ICA1: variants seen among roughly 807,000 people sequenced by gnomAD.
ICA1 encodes the protein islet cell autoantigen 1.
In ICA1, 40 loss-of-function variants were observed where a neutral mutation model predicts 71.0. The ratio of observed to expected loss-of-function variants is 0.56; its 90% CI spans 0.44 to 0.73. The LOEUF is 0.73. Among genes scored for constraint, ICA1 ranks in the 30% least tolerant of loss-of-function variants. ICA1 has a pLI of 0.00. For synonymous variants in ICA1, 207 were observed against 209.5 expected, an observed-to-expected ratio of 0.99 and a Z score of 0.10; for missense variants, 578 against 576.5, an observed-to-expected ratio of 1.00 and a Z score of -0.03.
chr7:8,164,205 G>A (rs1804986510), intron 6 of ICA1, among the ~76,000 whole-genome samples: 1 of 150,832 alleles, frequency 6.6e-6, no homozygotes, highest in African/African-American at 2.4e-5. Context: ...TCAGGAGGCT[G>A]AGGCAGGAGA....
intron 5 of ICA1, chr7:8,219,005 T>C (rs985433003): frequency 1.7e-4 from 33 of 190,882 alleles, no homozygotes; most frequent in Admixed American, 1.7e-3. Flanking sequence ...CATTTTGAAA[T>C]GGTATAGGAA....
At position 8,134,546 on chromosome 7, in the gene ICA1, C is replaced by T. The variant is rs146167317; in HGVS notation, c.1060+4294G>A. Among the ~76,000 whole-genome samples the T allele has an allele frequency of 5.0e-3, 762 of 152,260 alleles. 4 individuals are homozygous for T. Among genetic ancestry groups the T allele is most frequent in the East Asian group, 0.032 (165 of 5,184 alleles). On this transcript the variant is annotated intron_variant, in intron 12 of 13. Transcript: ENST00000402384. ...ACTCCATCTCTCTGGTTTTCTCCCTCGTCCCCACTCTGGACATTATGACTA... is the reference window on the plus strand; with the variant it reads ...ACTCCATCTCTCTGGTTTTCTCCCTTGTCCCCACTCTGGACATTATGACTA...
intron 6 of ICA1, among the ~76,000 whole-genome samples, chr7:8,164,440 C>T (rs1256043741): frequency 6.6e-6 from 1 of 151,816 alleles, no homozygotes; most frequent in East Asian, 1.9e-4. Flanking sequence ...GCAAAGCAGG[C>T]CCTGGTGAGG....
chr7:8,126,949 C>T (rs1789430647), intron 13 of ICA1, among the ~76,000 whole-genome samples: 1 of 151,754 alleles, frequency 6.6e-6, no homozygotes, highest in South Asian at 2.1e-4. Context: ...TACCTTGAAC[C>T]CTTACTGATG....
At chr7:8,243,534 C>T (rs1057005678) in intron 1 of ICA1, among the ~76,000 whole-genome samples, 4 of 152,338 alleles carry the variant, frequency 2.6e-5, no homozygotes, top group African/African-American at 9.6e-5. Flanking sequence ...TCTCACCACT[C>T]CCATTCAACA....
chr7:8,220,822 G>T (rs957447701), intron 5 of ICA1, among the ~76,000 whole-genome samples: 2 of 152,098 alleles, frequency 1.3e-5, no homozygotes, highest in Admixed American at 6.6e-5. Flanking sequence ...ATGGTCCAGG[G>T]TCTGAGCAGT....
intron 1 of ICA1, among the ~76,000 whole-genome samples, chr7:8,245,648 A>G (rs1431664357): frequency 1.3e-5 from 2 of 152,208 alleles, no homozygotes; most frequent in Non-Finnish European, 2.9e-5. Flanking sequence ...TAATGTTTAT[A>G]TATTTTAACC....
intron 6 of ICA1, among the ~76,000 whole-genome samples, chr7:8,213,414 A>C (rs541988078): frequency 3.3e-4 from 50 of 152,348 alleles, no homozygotes; most frequent in Non-Finnish European, 5.9e-4. Flanking sequence ...ACTCACTGGC[A>C]TAGGGGGAGG....
rs1783981131 is a variant in ICA1 at position 8,114,050 on chromosome 7, G to A, written c.1331-6C>T. ...TGAGGCAGCCTTAGCAGGTTCTGGG[G>A]AGAGAAGAGGAAACATGAGCAAACG... On this transcript the variant is annotated splice_region_variant and splice_polypyrimidine_tract_variant and intron_variant, in intron 13 of 13. Transcript: ENST00000402384. The A allele has an allele frequency of 6.2e-7, 1 of 1,614,024 alleles. No homozygotes were observed.
At chr7:8,162,827 G>A (rs993749366) in intron 6 of ICA1, among the ~76,000 whole-genome samples, 4 of 152,170 alleles carry the variant, frequency 2.6e-5, no homozygotes, top group African/African-American at 9.7e-5. Context: ...GCAGTGGTGC[G>A]ATCTTGGCTC....
At chr7:8,156,368 G>A (rs529080077) in intron 8 of ICA1, among the ~76,000 whole-genome samples, 11 of 152,288 alleles carry the variant, frequency 7.2e-5, no homozygotes, top group African/African-American at 1.4e-4. Context: ...TTCATGCCTC[G>A]TTTTCTTCTT....
intron 8 of ICA1, among the ~76,000 whole-genome samples, chr7:8,147,566 C>T (rs1797456380): frequency 6.6e-6 from 1 of 151,788 alleles, no homozygotes; most frequent in Non-Finnish European, 1.5e-5. Flanking sequence ...AACTAGAGCT[C>T]CTTAGCTAGG....
chr7:8,221,170 G>A, intron 5 of ICA1, 105 bp downstream of exon 5: 1 of 1,439,862 alleles, frequency 6.9e-7, no homozygotes, highest in Non-Finnish European at 9.7e-7. Flanking sequence ...CTCAGCCTCA[G>A]GCAAAATCCT....
intron 8 of ICA1, among the ~76,000 whole-genome samples, chr7:8,151,384 G>A (rs926413898): frequency 6.6e-6 from 1 of 152,146 alleles, no homozygotes; most frequent in African/African-American, 2.4e-5. Context: ...AGATTTCAGT[G>A]GTGGCCTTGG....
chr7:8,259,094 C>A (rs1377910665), intron 1 of ICA1, among the ~76,000 whole-genome samples: 2 of 152,186 alleles, frequency 1.3e-5, no homozygotes, highest in East Asian at 1.9e-4. Flanking sequence ...GACCGGGAAT[C>A]CACACTTATT....
intron 6 of ICA1, among the ~76,000 whole-genome samples, chr7:8,182,687 CCAG>C (rs1465523401): frequency 6.6e-6 from 1 of 152,122 alleles, no homozygotes; most frequent in Non-Finnish European, 1.5e-5. Context: ...TTCAGAATGA[CCAG>C]CAGATCTAAC....
intron 13 of ICA1, chr7:8,114,931 T>C (rs1784317531): frequency 6.6e-6 from 1 of 152,228 alleles, no homozygotes; most frequent in South Asian, 2.1e-4. Flanking sequence ...TCCTTCTAGC[T>C]GAGAGCAGCT....
rs565591778 is a variant in ICA1, at chr7:8,156,883, G to C, written c.804+233C>G. 530 of 1,519,612 alleles carry C rather than the reference G, an allele frequency of 3.5e-4. 4 individuals are homozygous for C. The African/African-American group carries it at 6.8e-3, about 19-fold the overall frequency. The allele number at this position is 1,519,612 out of a possible 1,614,324, so 94.1% of individuals were successfully genotyped here. ...TCTCAAGGTTCAAGGTTCAATTCGC[G>C]CTTTTGGATTGCAGTAGATTCTCAT... On this transcript the variant is annotated intron_variant, in intron 8 of 13. Transcript: ENST00000402384.
At chr7:8,254,934 C>T (rs148730919) in intron 1 of ICA1, among the ~76,000 whole-genome samples, 54 of 152,260 alleles carry the variant, frequency 3.5e-4, no homozygotes, top group African/African-American at 7.7e-4. Flanking sequence ...TCCCTCTTCA[C>T]GCACTCTGGG....
Sources: gnomAD v4.1 joint callset for allele counts (sites outside exome capture counted in the v4.1 genomes callset) on GRCh38, gnomAD v4.1.1 for gene constraint, MANE v1.5 for transcripts, NCBI Gene and HGNC (gene_info 2026-07-23, HGNC 2026-07-21) for gene names.